SETDB1: variants seen among roughly 807,000 people sequenced by gnomAD.
SETDB1 encodes histone-lysine N-methyltransferase SETDB1.
SETDB1 carries 31 observed loss-of-function variants against 137.4 expected under a neutral mutation model. The ratio of observed to expected loss-of-function variants is 0.23; its 90% CI spans 0.17 to 0.30. The LOEUF (loss-of-function observed/expected upper bound fraction) is 0.30. SETDB1 is among the 10% of genes least tolerant of loss of function. The probability of loss-of-function intolerance (pLI) is 1.00; values close to 1 mark genes in which losing one functional copy is unlikely to be tolerated. For synonymous variants in SETDB1, 548 were observed against 579.9 expected (o/e 0.95, Z 0.79); for missense variants, 1,113 against 1,631.5 (o/e 0.68, Z 5.47).
chr1:150,959,073 C>T, intron 14 of SETDB1, 105 bp from the exon 15 acceptor site: 1 of 784,452 alleles, frequency 1.3e-6, no homozygotes, highest in Non-Finnish European at 1.9e-6. Context: ...TCTTTATCCA[C>T]AACACATTAT....
chr1:150,928,457 G>T (rs1669610717), intron 2 of SETDB1, among the ~76,000 whole-genome samples: 1 of 152,104 alleles, frequency 6.6e-6, no homozygotes, highest in African/African-American at 2.4e-5. Flanking sequence ...TTCCTCCTGT[G>T]CTCTATCTTA....
intron 3 of SETDB1, among the ~76,000 whole-genome samples, chr1:150,931,337 G>A (rs934979774): frequency 2.7e-5 from 4 of 147,598 alleles, no homozygotes; most frequent in South Asian, 2.2e-4. Flanking sequence ...TGTAATCCCA[G>A]CACTTTGGGA....
At chr1:150,947,054 A>G (rs374293203) in intron 10 of SETDB1, 42 bp downstream of exon 10, 432 of 1,611,302 alleles carry the variant, frequency 2.7e-4, no homozygotes, top group Non-Finnish European at 3.5e-4. Context: ...GAAACAGGCC[A>G]ACCAGCAAAG....
In SETDB1 at chr1:150,930,131, CT is replaced by C. The variant is rs747233818; in HGVS notation, c.412+16del. On this transcript the variant is annotated intron_variant, in intron 3 of 21. Coordinates refer to ENST00000692827, the MANE Select transcript of SETDB1 (RefSeq NM_001366418.1). ...AGTATTGATTCAGGTAAGGGATGAG[CT>C]TTGGATAGGAGAGTCTCAGGACTGA... 6.2e-7 allele frequency: 1 copy of C among 1,608,332 alleles called. No homozygotes were observed. The highest frequency in any genetic ancestry group is 2.2e-5 in the East Asian group (1 of 44,792).
chr1:150,944,899 T>C lies in SETDB1; in HGVS notation c.950-19T>C. On this transcript the variant is annotated intron_variant, in intron 8 of 21. Transcript: ENST00000692827. ...CATGCCCTACCTGCCCTCTCAGTTCTACTTCTTCCTTGAAACAGTGAAAAA... is the reference window on the plus strand; with the variant it reads ...CATGCCCTACCTGCCCTCTCAGTTCCACTTCTTCCTTGAAACAGTGAAAAA... 1 of 1,613,732 alleles carries C rather than the reference T, an allele frequency of 6.2e-7. No individual in the cohort carries two copies. The highest frequency in any genetic ancestry group is 8.5e-7 in the Non-Finnish European group (1 of 1,179,760).
chr1:150,926,839 C>T (rs1314155509), intron 1 of SETDB1: 3 of 533,344 alleles, frequency 5.6e-6, no homozygotes, highest in Admixed American at 1.9e-5. Context: ...GGTTGCTTTA[C>T]TTCTCTGTAC....
intron 7 of SETDB1, among the ~76,000 whole-genome samples, chr1:150,943,474 C>T (rs1018239362): frequency 2.6e-5 from 4 of 152,154 alleles, no homozygotes; most frequent in African/African-American, 9.6e-5. Flanking sequence ...GTCAGGAGTT[C>T]GAGACCAGCT....
intron 5 of SETDB1, among the ~76,000 whole-genome samples, 200 bp from the exon 6 acceptor site, chr1:150,942,363 C>T (rs1212710739): frequency 6.6e-6 from 1 of 150,810 alleles, no homozygotes; most frequent in African/African-American, 2.4e-5. Flanking sequence ...AGGAGAATCG[C>T]TGGAACCCAG....
At chr1:150,937,508 C>T (rs1263872841) in intron 3 of SETDB1, among the ~76,000 whole-genome samples, 1 of 152,072 alleles carries the variant, frequency 6.6e-6, no homozygotes, top group Non-Finnish European at 1.5e-5. Flanking sequence ...GTCCTGGCTA[C>T]TCAGGAGGTT....
intron 14 of SETDB1, among the ~76,000 whole-genome samples, chr1:150,957,686 G>A (rs587638963): frequency 6.6e-6 from 1 of 152,266 alleles, no homozygotes; most frequent in East Asian, 1.9e-4. Context: ...TTTAATGGTT[G>A]TTTAAAAATA....
chr1:150,949,085 A>C (rs1209246428), intron 10 of SETDB1, 37 bp from the exon 11 acceptor site: 4 of 1,588,534 alleles, frequency 2.5e-6, no homozygotes, highest in Non-Finnish European at 3.4e-6. Flanking sequence ...CGTCATAGCT[A>C]TCATCTTCTC....
chr1:150,953,585 TTGGGAGGCCAAGG>T (rs1387662529), intron 14 of SETDB1, among the ~76,000 whole-genome samples: 1 of 151,482 alleles, frequency 6.6e-6, no homozygotes, highest in Non-Finnish European at 1.5e-5. Context: ...TCCCAACACT[TTGGGAGGCCAAGG>T]TGGGTGGATC....
intron 12 of SETDB1, among the ~76,000 whole-genome samples, chr1:150,950,061 C>T (rs1001009135): frequency 1.3e-5 from 2 of 152,106 alleles, no homozygotes; most frequent in African/African-American, 2.4e-5. Context: ...TGGAGAAACC[C>T]TGTCTCTACT....
chr1:150,934,203 T>C (rs1316582345), intron 3 of SETDB1, among the ~76,000 whole-genome samples: 1 of 152,118 alleles, frequency 6.6e-6, no homozygotes. Context: ...CTGGGCGCGG[T>C]GGCTGACGCC....
At chr1:150,948,658 T>A (rs1046642816) in intron 10 of SETDB1, among the ~76,000 whole-genome samples, 1 of 152,120 alleles carries the variant, frequency 6.6e-6, no homozygotes, top group African/African-American at 2.4e-5. Flanking sequence ...AAACAATGTA[T>A]GCCAGCGTCC....
Position 150,939,989 on chromosome 1 carries a change from T to A in SETDB1, c.447+15T>A, listed in dbSNP as rs1184153852. The A allele has an allele frequency of 6.2e-7, 1 of 1,607,028 alleles. No individual in the cohort carries two copies. The highest frequency in any genetic ancestry group is 8.5e-7 in the Non-Finnish European group (1 of 1,174,006). On this transcript the variant is annotated intron_variant, in intron 4 of 21. Coordinates refer to ENST00000692827, the MANE Select transcript of SETDB1 (RefSeq NM_001366418.1). Reference sequence around the variant, plus strand: ...AAGACCAGAAGGTAAGTTAGGATGGTAAGGGAAGGGTGAGAGATAAGAATA... The same window carrying A: ...AAGACCAGAAGGTAAGTTAGGATGGAAAGGGAAGGGTGAGAGATAAGAATA...
intron 8 of SETDB1, among the ~76,000 whole-genome samples, chr1:150,944,699 G>T (rs1267093265): frequency 6.6e-6 from 1 of 152,060 alleles, no homozygotes; most frequent in East Asian, 1.9e-4. Flanking sequence ...CACCTATATT[G>T]TACATTTCTT....
At chr1:150,935,498 A>T (rs1669917805) in intron 3 of SETDB1, among the ~76,000 whole-genome samples, 1 of 151,566 alleles carries the variant, frequency 6.6e-6, no homozygotes, top group Non-Finnish European at 1.5e-5. Context: ...GGAATGCTTG[A>T]CATTCATCTT....
chr1:150,950,539 G>C lies in SETDB1; in HGVS notation c.1665G>C (p.Met555Ile). Residue 555 changes from methionine (M) to isoleucine (I), a missense_variant, in exon 13 of 22, where the codon ATG becomes ATC. Transcript: ENST00000692827. ...CAGCACCCCCAGTCTTCCATGGCAT[G>C]CTGGAGCGGGCCCCAGCAGAGCCCT... ...APPAPPVFHG[M>I]LERAPAEPSY... The C allele has an allele frequency of 1.9e-6, 3 of 1,614,036 alleles. No homozygotes were observed. The South Asian group carries it at 3.3e-5, about 18-fold the overall frequency.
Sources: allele counts gnomAD v4.1 joint callset (sites outside exome capture counted in the v4.1 genomes callset), GRCh38; gene constraint gnomAD v4.1.1; transcripts MANE v1.5; gene names NCBI Gene and HGNC (gene_info 2026-07-23, HGNC 2026-07-21).